The following SLC35H1 variants were observed in gnomAD, a reference collection of about 807,000 sequenced individuals.
SLC35H1 encodes solute carrier family 35 member H1, also known as ovarian cancer-overexpressed gene 1 protein.
chr20:46,358,248 C>T, the SLC35H1 span: 2 of 803,276 alleles, frequency 2.5e-6, no homozygotes, highest in South Asian at 1.6e-5. Flanking sequence ...CTTGGAGGGC[C>T]CTGTTCCAGC....
the SLC35H1 span, among the ~76,000 whole-genome samples, chr20:46,360,549 TTA>T: frequency 1.9e-3 from 7 of 3,712 alleles, no homozygotes; most frequent in Admixed American, 2.7e-3. Flanking sequence ...ATATTTTATT[TTA>T]TTTTTTTTTT....
the SLC35H1 span, among the ~76,000 whole-genome samples, chr20:46,359,185 C>T: frequency 1.3e-5 from 2 of 152,202 alleles, no homozygotes; most frequent in African/African-American, 2.4e-5. Context: ...AGGAAATGAA[C>T]GAACACTGCA....
chr20:46,348,429 C>T, the SLC35H1 span: 1 of 152,224 alleles, frequency 6.6e-6, no homozygotes, highest in African/African-American at 2.4e-5. Flanking sequence ...CCCAAGCAGC[C>T]TCTAAGACGG....
chr20:46,350,235 G>A, the SLC35H1 span: 73 of 805,914 alleles, frequency 9.1e-5, no homozygotes, highest in African/African-American at 7.9e-4. Flanking sequence ...AGGCTCTGAA[G>A]GGAGGGGCAA....
At chr20:46,360,083 A>T in the SLC35H1 span, among the ~76,000 whole-genome samples, 1 of 152,224 alleles carries the variant, frequency 6.6e-6, no homozygotes, top group Non-Finnish European at 1.5e-5. Flanking sequence ...CAGTCCACAT[A>T]GCCAATTACT....
the SLC35H1 span, chr20:46,350,549 T>TA: frequency 6.4e-7 from 1 of 1,565,090 alleles, no homozygotes; most frequent in Non-Finnish European, 8.6e-7. Flanking sequence ...AGACCACAGT[T>TA]ACAGGCCCAG....
chr20:46,357,265 T>C, the SLC35H1 span, among the ~76,000 whole-genome samples: 949 of 152,306 alleles, frequency 6.2e-3, 6 homozygotes, highest in Non-Finnish European at 9.0e-3. Context: ...CTGGGCTCCG[T>C]AGTGCCCTCC....
chr20:46,350,595 T>C, the SLC35H1 span: 7 of 1,534,244 alleles, frequency 4.6e-6, no homozygotes, highest in African/African-American at 8.3e-5. Flanking sequence ...TTTGCATGTG[T>C]GCTGAGTCAC....
At chr20:46,355,420 G>C in the SLC35H1 span, 1 of 695,590 alleles carries the variant, frequency 1.4e-6, no homozygotes, top group East Asian at 2.7e-5. This position sits in a 1 kb window ranked among gnomAD's most constrained non-coding sequence, Gnocchi z 4.8. Flanking sequence ...TCAGCATGTA[G>C]GGCTGACGGT....
the SLC35H1 span, among the ~76,000 whole-genome samples, chr20:46,356,816 C>G: frequency 1.8e-3 from 278 of 152,318 alleles, 2 homozygotes; most frequent in Non-Finnish European, 1.9e-3. Flanking sequence ...CCCCAAAGGT[C>G]GGGGGCTGCT....
chr20:46,350,796 G>A, the SLC35H1 span: 2 of 1,614,130 alleles, frequency 1.2e-6, no homozygotes, highest in Non-Finnish European at 1.7e-6. Flanking sequence ...AACGTGGAGG[G>A]ATATTCCCGA....
chr20:46,364,239 G>A, the SLC35H1 span: 1 of 152,294 alleles, frequency 6.6e-6, no homozygotes, highest in African/African-American at 2.4e-5. Flanking sequence ...CTGAGGCCCG[G>A]GGAGGGGCAG....
chr20:46,346,413 C>G, the SLC35H1 span: 1 of 152,226 alleles, frequency 6.6e-6, no homozygotes, highest in Admixed American at 6.5e-5. Flanking sequence ...CCCCTTCTTA[C>G]AGGGCAAGTC....
the SLC35H1 span, chr20:46,358,867 G>C: frequency 1.3e-6 from 1 of 748,412 alleles, no homozygotes; most frequent in Non-Finnish European, 2.3e-6. Context: ...TGGAGGGGCT[G>C]CCCACAACGG....
the SLC35H1 span, among the ~76,000 whole-genome samples, chr20:46,362,547 C>T: frequency 8.5e-5 from 13 of 152,198 alleles, no homozygotes; most frequent in African/African-American, 3.1e-4. Context: ...GACCTCTGGA[C>T]TCAGTTTCTC....
the SLC35H1 span, among the ~76,000 whole-genome samples, chr20:46,360,292 G>A: frequency 2.0e-5 from 3 of 152,070 alleles, no homozygotes; most frequent in Admixed American, 2.0e-4. Context: ...GTCTCAAAAT[G>A]GCACCAAAAG....
the SLC35H1 span, among the ~76,000 whole-genome samples, chr20:46,356,856 T>C: frequency 6.6e-6 from 1 of 152,218 alleles, no homozygotes; most frequent in East Asian, 1.9e-4. Flanking sequence ...CCATTCCAAC[T>C]GGCTGGGCCG....
the SLC35H1 span, among the ~76,000 whole-genome samples, chr20:46,357,125 G>T: frequency 0.1 from 15,172 of 152,122 alleles, 1,029 homozygotes; most frequent in East Asian, 0.19. Context: ...AATCTCCCTC[G>T]GGCCACGAGG....
chr20:46,350,735 G>A, the SLC35H1 span: 5 of 1,611,178 alleles, frequency 3.1e-6, no homozygotes, highest in African/African-American at 4.0e-5. Context: ...AGAAAACAGA[G>A]GCTTCTGGAA....
Sources: allele counts gnomAD v4.1 joint callset (sites outside exome capture counted in the v4.1 genomes callset), GRCh38; gene constraint gnomAD v4.1.1; non-coding constraint Gnocchi (gnomAD v3.1); transcripts MANE v1.5; gene names NCBI Gene and HGNC (gene_info 2026-07-23, HGNC 2026-07-21).